ATP7B: variants seen among roughly 807,000 people sequenced by gnomAD.
The protein encoded by ATP7B is copper-transporting ATPase 2.
ATP7B carries 113 observed loss-of-function variants against 118.9 expected under a neutral mutation model. That is an observed-to-expected ratio of 0.95 (90% confidence interval 0.82 to 1.11). ATP7B has a LOEUF of 1.11. Ranked by LOEUF, ATP7B falls within the 50% of genes most tolerant of loss-of-function variation. The probability of loss-of-function intolerance (pLI) is 0.00; values close to 1 mark genes in which losing one functional copy is unlikely to be tolerated. For missense variants in ATP7B, 1,867 were observed against 1,871.4 expected, an observed-to-expected ratio of 1.00 and a Z score of 0.04; for synonymous variants, 777 against 727.4, an observed-to-expected ratio of 1.07 and a Z score of -1.10.
chr13:51,983,493 G>A (rs932068782), intron 1 of ATP7B, among the ~76,000 whole-genome samples: 15 of 152,288 alleles, frequency 9.8e-5, no homozygotes, highest in African/African-American at 3.6e-4. Flanking sequence ...AGCTTCAGCA[G>A]TCTCAAAGGT....
chr13:51,952,636 T>C (rs1958080331), intron 9 of ATP7B, among the ~76,000 whole-genome samples: 1 of 152,252 alleles, frequency 6.6e-6, no homozygotes, highest in Non-Finnish European at 1.5e-5. Flanking sequence ...CTTATTTAAA[T>C]GTTGCTATGT....
intron 1 of ATP7B, among the ~76,000 whole-genome samples, chr13:51,978,409 T>C (rs1446340067): frequency 6.6e-6 from 1 of 152,248 alleles, no homozygotes; most frequent in Non-Finnish European, 1.5e-5. Flanking sequence ...ACAGTCTTCC[T>C]ACATTGCTAG....
rs563297076 is a variant in ATP7B at position 51,949,275 on chromosome 13, A to G, written c.2865+387T>C. ...GATGGTACTGGTAAATATATACATC[A>G]AAAGATATTTTTCTTAAAATGTATT... On this transcript the variant is annotated intron_variant, in intron 12 of 20. Transcript: ENST00000242839. 5.3e-5 allele frequency among the ~76,000 whole-genome samples: 8 copies of G among 152,350 alleles called. No individual in the cohort carries two copies. The East Asian group carries it at 1.5e-3, about 29-fold the overall frequency.
intron 1 of ATP7B, among the ~76,000 whole-genome samples, chr13:51,990,023 T>G (rs1329191485): frequency 6.6e-6 from 1 of 152,102 alleles, no homozygotes; most frequent in Non-Finnish European, 1.5e-5. Flanking sequence ...TATAAATGCA[T>G]GATGGGAAAT....
intron 1 of ATP7B, among the ~76,000 whole-genome samples, chr13:51,992,026 CCT>C (rs1390940630): frequency 1.3e-5 from 2 of 151,996 alleles, no homozygotes; most frequent in African/African-American, 4.8e-5. Flanking sequence ...ATCTTTTTCC[CCT>C]CTCTGCCTGT....
chr13:51,960,843 G>A (rs1958690294), intron 6 of ATP7B, among the ~76,000 whole-genome samples: 1 of 152,154 alleles, frequency 6.6e-6, no homozygotes, highest in African/African-American at 2.4e-5. Flanking sequence ...TGGAATCGGG[G>A]GTCATGGCTG....
At position 51,974,668 on chromosome 13, in the gene ATP7B, G is replaced by A. The variant is rs747759692; in HGVS notation, c.552C>T (p.Val184=). 3.7e-6 allele frequency: 6 copies of A among 1,611,140 alleles called. No homozygotes were observed. The East Asian group carries it at 1.3e-4, about 36-fold the overall frequency. ...VKVSLSNQEA[V]ITYQPYLIQP... is the part of the protein sequence containing the mutation. The stretch of plus-strand genomic sequence containing the variant: ...GAATGAGATAAGGCTGATAAGTGAT[G>A]ACGGCCTCTTGGTTGCTGAGTGAGA... Residue 184 remains valine (V), a synonymous_variant, in exon 2 of 21, where the codon GTC becomes GTT. Transcript: ENST00000242839.
chr13:51,977,562 C>A (rs1171064841), intron 1 of ATP7B, among the ~76,000 whole-genome samples: 18 of 152,044 alleles, frequency 1.2e-4, no homozygotes, highest in Admixed American at 1.2e-3. Flanking sequence ...TAGGACCTGC[C>A]TGAGGCTACT....
rs1958639949 is a variant in ATP7B, at chr13:51,960,230, T to C, written c.2039A>G (p.Gln680Arg). The change falls in exon 7 of 21, where the codon CAG becomes CGG. Residue 680 changes from glutamine (Q) to arginine (R), a missense_variant. Gln to Arg is a conservative substitution (Grantham distance 43). Coordinates refer to ENST00000242839, the MANE Select transcript of ATP7B (RefSeq NM_000053.4). Reference sequence around the variant, plus strand: ...GATGTTGTGGTCCAGGACCATGGACTGGTGGGGCTCGTTGCTGGGTATCAG... The same window carrying C: ...GATGTTGTGGTCCAGGACCATGGACCGGTGGGGCTCGTTGCTGGGTATCAG... ...YMLIPSNEPH[Q>R]SMVLDHNIIP... The C allele has an allele frequency of 6.2e-7, 1 of 1,613,972 alleles. No homozygotes were observed.
chr13:51,932,715 T>G lies in ATP7B; in HGVS notation c.*2041A>C, dbSNP rs1412307769. On this transcript the variant is annotated 3_prime_UTR_variant, in exon 21 of 21. Transcript: ENST00000242839. ...CTTTATTCTAATATTGCATGAAATGTTTTTGAAGTAGAAATGATTATCTGA... is the reference window on the plus strand; with the variant it reads ...CTTTATTCTAATATTGCATGAAATGGTTTTGAAGTAGAAATGATTATCTGA... 6.6e-6 allele frequency: 1 copy of G among 152,242 alleles called. No individual in the cohort carries two copies. The highest frequency in any genetic ancestry group is 1.5e-5 in the Non-Finnish European group (1 of 68,046). 9.4% of individuals were successfully genotyped at this position (152,242 alleles called of 1,614,324 possible).
rs1299655189 is a variant in ATP7B, at chr13:51,932,822, CACA to C, written c.*1931_*1933del. ...AAATATTTCCATGTCCATATATGAA[CACA>C]ACGTTTATGGTCCTAAAAGTTTTAA... On this transcript the variant is annotated 3_prime_UTR_variant, in exon 21 of 21. Transcript: ENST00000242839. 1.3e-5 allele frequency: 2 copies of C among 152,014 alleles called. No homozygotes were observed. Among genetic ancestry groups the C allele is most frequent in the African/African-American group, 4.8e-5 (2 of 41,374 alleles). 9.4% of individuals were successfully genotyped at this position (152,014 alleles called of 1,614,324 possible).
intron 11 of ATP7B, 83 bp from the exon 12 acceptor site, chr13:51,949,879 T>C (rs1016629710): frequency 6.2e-6 from 10 of 1,610,652 alleles, no homozygotes; most frequent in Non-Finnish European, 8.5e-6. Context: ...AAGATTGGGA[T>C]AATCTCCTTC....
chr13:51,935,495 T>C (rs1432592160), intron 20 of ATP7B, 98 bp downstream of exon 20: 3 of 1,292,834 alleles, frequency 2.3e-6, no homozygotes, highest in Admixed American at 2.0e-5. Flanking sequence ...CCCAGGTGAA[T>C]GAATGGGAAA....
At chr13:51,979,388 G>A (rs929370032) in intron 1 of ATP7B, among the ~76,000 whole-genome samples, 1 of 152,188 alleles carries the variant, frequency 6.6e-6, no homozygotes, top group Admixed American at 6.5e-5. Flanking sequence ...AGGAAGATTA[G>A]GCAGCTGAAG....
chr13:51,952,242 C>CG lies in ATP7B; in HGVS notation c.2448-1844dup, dbSNP rs573919953. On this transcript the variant is annotated intron_variant, in intron 9 of 20. Transcript: ENST00000242839. ...GACAAAGCCAGAGGGAGGGCACCTA[C>CG]GGCCCAGGGCCAGCTTCAGCAGCAG... 2.6e-3 allele frequency among the ~76,000 whole-genome samples: 398 copies of CG among 152,352 alleles called. 2 individuals carry two copies. The highest frequency in any genetic ancestry group is 8.9e-3 in the African/African-American group (372 of 41,580).
intron 1 of ATP7B, among the ~76,000 whole-genome samples, chr13:51,978,032 C>T (rs142968864): frequency 6.6e-6 from 1 of 152,252 alleles, no homozygotes; most frequent in East Asian, 1.9e-4. Context: ...ATAACAAAAA[C>T]ACTAGAAGAA....
At chr13:51,989,014 C>T (rs1174178890) in intron 1 of ATP7B, among the ~76,000 whole-genome samples, 1 of 151,866 alleles carries the variant, frequency 6.6e-6, no homozygotes, top group African/African-American at 2.4e-5. Context: ...ATGTAACAAA[C>T]CTGCACGTTC....
intron 9 of ATP7B, among the ~76,000 whole-genome samples, chr13:51,957,130 C>A (rs1051989405): frequency 6.6e-6 from 1 of 152,114 alleles, no homozygotes; most frequent in African/African-American, 2.4e-5. Context: ...AGATAAATTT[C>A]TCCTTCAATT....
rs551107359 is a variant in ATP7B at position 52,003,095 on chromosome 13, C to T, written c.51+8192G>A. 3.9e-5 allele frequency among the ~76,000 whole-genome samples: 6 copies of T among 152,284 alleles called. No individual in the cohort carries two copies. The South Asian group carries it at 8.3e-4, about 21-fold the overall frequency. ...TTTGCTTTCTTATCATTTATCTGTTCACTAGAGTAGTACTTACTTTCCTTC... is the reference window on the plus strand; with the variant it reads ...TTTGCTTTCTTATCATTTATCTGTTTACTAGAGTAGTACTTACTTTCCTTC... On this transcript the variant is annotated intron_variant, in intron 1 of 20. Coordinates refer to ENST00000242839, the MANE Select transcript of ATP7B (RefSeq NM_000053.4).
Sources: allele counts gnomAD v4.1 joint callset (sites outside exome capture counted in the v4.1 genomes callset), GRCh38; gene constraint gnomAD v4.1.1; transcripts MANE v1.5; gene names NCBI Gene and HGNC (gene_info 2026-07-23, HGNC 2026-07-21).